The following PSD3 variants were observed in gnomAD, a reference collection of about 807,000 sequenced individuals.
PSD3 encodes PH and SEC7 domain-containing protein 3.
A neutral mutation model predicts 105.5 loss-of-function variants in PSD3; 49 were observed. The ratio of observed to expected loss-of-function variants is 0.46; its 90% CI spans 0.37 to 0.59. PSD3 has a LOEUF of 0.59. PSD3 is among the 20% of genes least tolerant of loss of function. The probability of loss-of-function intolerance (pLI) is 0.00; values close to 1 mark genes in which losing one functional copy is unlikely to be tolerated. For synonymous variants in PSD3, 557 were observed against 457.8 expected (o/e 1.22, Z -2.77); for missense variants, 1,561 against 1,263.8 (o/e 1.24, Z -3.57).
intron 2 of PSD3, among the ~76,000 whole-genome samples, chr8:18,921,041 T>C (rs1352366778): frequency 1.3e-5 from 2 of 152,256 alleles, no homozygotes; most frequent in Non-Finnish European, 2.9e-5. Context: ...GGTGAAATTC[T>C]ACATGAATGG....
chr8:18,863,564 G>A (rs542985883), intron 4 of PSD3, among the ~76,000 whole-genome samples: 2 of 152,138 alleles, frequency 1.3e-5, no homozygotes, highest in South Asian at 2.1e-4. Context: ...CTGGGAGAAT[G>A]CATTAGGCTG....
At chr8:19,046,278 A>AT (rs1406809428) in intron 1 of PSD3, among the ~76,000 whole-genome samples, 3 of 151,958 alleles carry the variant, frequency 2.0e-5, no homozygotes, top group African/African-American at 7.3e-5. Context: ...CACCTGGGTA[A>AT]TTTTTGTATT....
At chr8:18,878,769 G>A (rs755826870) in intron 2 of PSD3, among the ~76,000 whole-genome samples, 5 of 152,064 alleles carry the variant, frequency 3.3e-5, no homozygotes, top group Middle Eastern at 3.4e-3. Context: ...AGACTTTTGC[G>A]GTATGGTATA....
intron 1 of PSD3, among the ~76,000 whole-genome samples, chr8:19,025,650 C>T (rs1593615): frequency 0.98 from 149,413 of 152,286 alleles, 73,370 homozygotes; most frequent in Middle Eastern, 1. Flanking sequence ...GTCAGAAGTA[C>T]TGGTGGCAAC....
chr8:18,755,809 C>T (rs1029785838), intron 9 of PSD3, among the ~76,000 whole-genome samples: 2 of 149,902 alleles, frequency 1.3e-5, no homozygotes, highest in African/African-American at 4.9e-5. Flanking sequence ...TCTTCAGTTA[C>T]TTCAAATATT....
intron 1 of PSD3, among the ~76,000 whole-genome samples, chr8:19,048,769 C>T (rs552296345): frequency 6.6e-6 from 1 of 152,316 alleles, no homozygotes; most frequent in South Asian, 2.1e-4. Flanking sequence ...CCTCATTTTA[C>T]ATGGATTTGG....
chr8:18,733,172 C>T (rs1006927816), intron 9 of PSD3: 1 of 151,942 alleles, frequency 6.6e-6, no homozygotes, highest in Non-Finnish European at 1.5e-5. Flanking sequence ...GTATGTTTTA[C>T]ACAAAAAGAA....
At chr8:18,980,185 T>G (rs1825179032) in intron 1 of PSD3, among the ~76,000 whole-genome samples, 1 of 152,328 alleles carries the variant, frequency 6.6e-6, no homozygotes, top group African/African-American at 2.4e-5. Context: ...TGAGTGAGAC[T>G]CCACCTCTGC....
At chr8:18,721,959 C>T (rs986972739) in intron 9 of PSD3, among the ~76,000 whole-genome samples, 6 of 151,876 alleles carry the variant, frequency 4.0e-5, no homozygotes, top group African/African-American at 1.5e-4. Flanking sequence ...AGTAATGCCA[C>T]GTAATTTAAA....
intron 10 of PSD3, 114 bp from the exon 11 acceptor site, chr8:18,632,920 A>G (rs975576206): frequency 1.3e-6 from 1 of 786,600 alleles, no homozygotes; most frequent in African/African-American, 1.8e-5. Flanking sequence ...ACTTTTTATA[A>G]CCACCACCAT....
intron 1 of PSD3, among the ~76,000 whole-genome samples, chr8:19,035,514 TAAA>T (rs11428290): frequency 1.3e-5 from 2 of 150,968 alleles, no homozygotes; most frequent in African/African-American, 2.4e-5. Context: ...AAGGATTTGT[TAAA>T]AAAAAACAAC....
chr8:19,011,448 G>A (rs1376253836), intron 1 of PSD3, among the ~76,000 whole-genome samples: 2 of 152,122 alleles, frequency 1.3e-5, no homozygotes, highest in South Asian at 2.1e-4. Context: ...AAACAAATAT[G>A]TAAATATCAA....
chr8:18,957,519 C>G (rs977494009), intron 1 of PSD3, among the ~76,000 whole-genome samples: 11 of 72,012 alleles, frequency 1.5e-4, no homozygotes, highest in African/African-American at 6.3e-4. Flanking sequence ...TCTCATCCAT[C>G]TCTGTTCCCT....
chr8:18,729,754 C>T (rs1198453405), intron 9 of PSD3, among the ~76,000 whole-genome samples: 1 of 152,168 alleles, frequency 6.6e-6, no homozygotes, highest in African/African-American at 2.4e-5. Flanking sequence ...TGAGAAATTA[C>T]AAATGCCATT....
chr8:18,883,232 CT>C (rs1378514516), intron 2 of PSD3, among the ~76,000 whole-genome samples: 12 of 152,258 alleles, frequency 7.9e-5, no homozygotes, highest in Admixed American at 6.5e-4. Context: ...TTAATGCCTA[CT>C]TTTTTATTTT....
At chr8:18,756,699 T>A (rs1806067080) in intron 9 of PSD3, among the ~76,000 whole-genome samples, 1 of 149,042 alleles carries the variant, frequency 6.7e-6, no homozygotes, top group South Asian at 2.2e-4. Context: ...GAGAACAACT[T>A]CTGGAGCAGA....
rs997951277 is a variant in PSD3 at position 18,529,014 on chromosome 8, G to C, written c.*6729C>G. On this transcript the variant is annotated 3_prime_UTR_variant, in exon 16 of 16. Transcript: ENST00000327040. ...AGGGGAGTGTGGACAAGGCACATCA[G>C]TGCTCCTACAGGAAGTGCCTCCTTG... The C allele has an allele frequency of 2.6e-5, 4 of 152,174 alleles. No homozygotes were observed. Among genetic ancestry groups the C allele is most frequent in the Non-Finnish European group, 4.4e-5 (3 of 68,026 alleles). The allele number at this position is 152,174 out of a possible 1,614,324, so 9.4% of individuals were successfully genotyped here.
At position 18,902,974 on chromosome 8, in the gene PSD3, T is replaced by C. The variant is rs1819604224; in HGVS notation, c.131-30241A>G. ...AGTGGCTGTAACAGCACTGAGTTGCTTGGAGTGGCTGTGGGGCCAGGGTCC... is the reference window on the plus strand; with the variant it reads ...AGTGGCTGTAACAGCACTGAGTTGCCTGGAGTGGCTGTGGGGCCAGGGTCC... On this transcript the variant is annotated intron_variant, in intron 2 of 15. Transcript: ENST00000327040. Among the ~76,000 whole-genome samples the C allele has an allele frequency of 2.0e-5, 3 of 152,164 alleles. No individual in the cohort carries two copies. The South Asian group carries it at 6.2e-4, about 32-fold the overall frequency.
At chr8:18,891,669 G>A (rs1818790370) in intron 2 of PSD3, among the ~76,000 whole-genome samples, 1 of 151,850 alleles carries the variant, frequency 6.6e-6, no homozygotes, top group Non-Finnish European at 1.5e-5. Flanking sequence ...TGTTCAACTT[G>A]TTTTCTCCCT....
Sources: gnomAD v4.1 joint callset for allele counts (sites outside exome capture counted in the v4.1 genomes callset) on GRCh38, gnomAD v4.1.1 for gene constraint, MANE v1.5 for transcripts, NCBI Gene and HGNC (gene_info 2026-07-23, HGNC 2026-07-21) for gene names.